NAV3: variants seen among roughly 807,000 people sequenced by gnomAD.
The protein encoded by NAV3 is neuron navigator 3, also known as pore membrane and/or filament interacting like protein 1.
A neutral mutation model predicts 244.7 loss-of-function variants in NAV3; 87 were observed. That is an observed-to-expected ratio of 0.36 (90% CI 0.30 to 0.42). The LOEUF is 0.42. Among genes scored for constraint, NAV3 ranks in the 20% least tolerant of loss-of-function variants. The probability of loss-of-function intolerance (pLI) is 1.00; values close to 1 mark genes in which losing one functional copy is unlikely to be tolerated. For synonymous variants in NAV3, 1,126 were observed against 1,042.2 expected (o/e 1.08, Z -1.55); for missense variants, 2,663 against 2,893.3 (o/e 0.92, Z 1.83).
chr12:77,831,778 G>A (rs1873750949), intron 1 of NAV3, 74 bp downstream of exon 1: 2 of 1,473,170 alleles, frequency 1.4e-6, no homozygotes, highest in Non-Finnish European at 1.8e-6. Flanking sequence ...TATAAAACAT[G>A]TTATGAAATG....
At chr12:78,031,949 C>T (rs1405371919) in intron 9 of NAV3, among the ~76,000 whole-genome samples, 1 of 151,502 alleles carries the variant, frequency 6.6e-6, no homozygotes, top group Non-Finnish European at 1.5e-5. Context: ...CTAAAACTAA[C>T]AAAAGAGAAG....
intron 17 of NAV3, among the ~76,000 whole-genome samples, chr12:78,128,072 TG>T (rs1955997345): frequency 6.6e-6 from 1 of 152,116 alleles, no homozygotes; most frequent in Admixed American, 6.5e-5. Flanking sequence ...CACTGAATAA[TG>T]GCGAAACTAG....
At chr12:77,594,999 G>T (rs979615850) in intron 2 of NAV3, among the ~76,000 whole-genome samples, 13 of 152,080 alleles carry the variant, frequency 8.5e-5, no homozygotes, top group Non-Finnish European at 1.6e-4. Flanking sequence ...AAGTATGGAG[G>T]TTTCTCAAAA....
At chr12:78,067,134 T>G (rs891899237) in intron 12 of NAV3, among the ~76,000 whole-genome samples, 6 of 152,092 alleles carry the variant, frequency 3.9e-5, no homozygotes, top group Non-Finnish European at 5.9e-5. Flanking sequence ...TTCATGATGC[T>G]TGTCACTAGT....
At chr12:78,157,394 G>GAAAA (rs36115195) in intron 22 of NAV3, among the ~76,000 whole-genome samples, 1 of 107,210 alleles carries the variant, frequency 9.3e-6, no homozygotes. Flanking sequence ...TACAGAAAAT[G>GAAAA]AAAAAAAAAA....
rs117715048 is a variant in NAV3, at chr12:77,714,466, C to A, written c.72+142200C>A. ...CTTTATCCAACTTTGTGTCCTACAGCCCATCAAATCTTTTTAGAATTGAAG... is the reference window on the plus strand; with the variant it reads ...CTTTATCCAACTTTGTGTCCTACAGACCATCAAATCTTTTTAGAATTGAAG... On this transcript the variant is annotated intron_variant, in intron 2 of 8. Coordinates refer to the NAV3 transcript ENST00000550042. Among the ~76,000 whole-genome samples, 900 of 152,204 alleles carry A rather than the reference C, an allele frequency of 5.9e-3. 3 individuals are homozygous for A. The highest frequency in any genetic ancestry group is 0.01 in the Non-Finnish European group (708 of 67,992).
chr12:78,123,475 G>A (rs1033264232), intron 16 of NAV3, among the ~76,000 whole-genome samples: 8 of 151,564 alleles, frequency 5.3e-5, no homozygotes, highest in Admixed American at 1.3e-4. Context: ...TCTGCATTAC[G>A]CCAGTTTCCC....
intron 9 of NAV3, among the ~76,000 whole-genome samples, chr12:78,032,513 T>C (rs1199306691): frequency 6.6e-6 from 1 of 152,216 alleles, no homozygotes; most frequent in Non-Finnish European, 1.5e-5. Flanking sequence ...AATTTTTAAG[T>C]ACGTCACTTA....
intron 11 of NAV3, among the ~76,000 whole-genome samples, chr12:78,052,477 G>A (rs1882900769): frequency 6.6e-6 from 1 of 152,142 alleles, no homozygotes; most frequent in Admixed American, 6.5e-5. Flanking sequence ...TTGTCATCTA[G>A]AATAAGGATA....
intron 2 of NAV3, among the ~76,000 whole-genome samples, chr12:77,815,716 C>CT (rs1003667435): frequency 3.3e-5 from 5 of 151,958 alleles, no homozygotes; most frequent in South Asian, 4.2e-4. Flanking sequence ...TTCATCAAAT[C>CT]TTTTTTTTCC....
intron 12 of NAV3, among the ~76,000 whole-genome samples, chr12:78,109,233 T>TACC (rs978162249): frequency 2.4e-4 from 36 of 152,150 alleles, no homozygotes; most frequent in Middle Eastern, 3.4e-3. Context: ...ACTTACAACC[T>TACC]ACCAAGCTGT....
chr12:77,855,224 T>C lies in NAV3; in HGVS notation c.243+23520T>C, dbSNP rs186110775. Among the ~76,000 whole-genome samples, 189 of 152,338 alleles carry C rather than the reference T, an allele frequency of 1.2e-3. 1 individual carries two copies. The highest frequency in any genetic ancestry group is 6.8e-3 in the Middle Eastern group (2 of 294). ...TGATCTTTTAATCAACATTTAAAAA[T>C]TATAATTGTCTAAATATTTATACAG... On this transcript the variant is annotated intron_variant, in intron 1 of 39. Coordinates refer to ENST00000397909, the MANE Select transcript of NAV3 (RefSeq NM_001024383.2).
At chr12:78,185,776 TTGATC>T (rs1181093567) in intron 31 of NAV3, 78 bp downstream of exon 31, 1 of 1,223,214 alleles carries the variant, frequency 8.2e-7, no homozygotes, top group East Asian at 2.5e-5. Context: ...GTGTGAATAT[TTGATC>T]TGGTAAATAT....
intron 2 of NAV3, among the ~76,000 whole-genome samples, chr12:77,651,381 G>A (rs1872814598): frequency 6.6e-6 from 1 of 151,818 alleles, no homozygotes; most frequent in African/African-American, 2.4e-5. Context: ...CCATTTTGTT[G>A]TTGATTTAGC....
chr12:78,207,095 T>A (rs932119398), intron 39 of NAV3, among the ~76,000 whole-genome samples: 5 of 152,042 alleles, frequency 3.3e-5, no homozygotes, highest in Non-Finnish European at 5.9e-5. Flanking sequence ...CTGTTTTTAT[T>A]TCTATGTATT....
chr12:78,127,807 G>C (rs1438696222), intron 17 of NAV3, among the ~76,000 whole-genome samples: 1 of 151,650 alleles, frequency 6.6e-6, no homozygotes, highest in Non-Finnish European at 1.5e-5. Context: ...TATTTTGCAG[G>C]GGTACTGCTA....
At chr12:77,953,472 C>A (rs765797853) in intron 3 of NAV3, among the ~76,000 whole-genome samples, 11 of 152,120 alleles carry the variant, frequency 7.2e-5, no homozygotes, top group Non-Finnish European at 1.3e-4. Context: ...AATTGTAATA[C>A]CATGATGCAA....
intron 34 of NAV3, among the ~76,000 whole-genome samples, chr12:78,194,502 C>T (rs1053297326): frequency 2.0e-5 from 3 of 152,014 alleles, no homozygotes; most frequent in African/African-American, 7.2e-5. Flanking sequence ...AAAAACATCA[C>T]GTTGTTCCTT....
At chr12:77,886,068 T>C (rs968015635) in intron 1 of NAV3, among the ~76,000 whole-genome samples, 3 of 152,126 alleles carry the variant, frequency 2.0e-5, no homozygotes, top group African/African-American at 7.2e-5. Flanking sequence ...AAAGGCACCT[T>C]GTTGGTAGTC....
Sources: gnomAD v4.1 joint callset for allele counts (sites outside exome capture counted in the v4.1 genomes callset) on GRCh38, gnomAD v4.1.1 for gene constraint, MANE v1.5 for transcripts, NCBI Gene and HGNC (gene_info 2026-07-23, HGNC 2026-07-21) for gene names.